Variants in RYR3 observed in about 807,000 individuals in gnomAD.
RYR3 encodes ryanodine receptor 3, also known as brain ryanodine receptor-calcium release channel.
Under a neutral mutation model 584.3 loss-of-function variants are expected in RYR3, and 207 were observed. The observed-to-expected ratio is 0.35, with a 90% CI of 0.32 to 0.40. RYR3 has a LOEUF of 0.40. RYR3 is among the 10% of genes least tolerant of loss of function. The probability of loss-of-function intolerance (pLI) is 1.00; values close to 1 mark genes in which losing one functional copy is unlikely to be tolerated. For synonymous variants in RYR3, 2,416 were observed against 2,248.5 expected (o/e 1.07, Z -2.11); for missense variants, 5,616 against 6,089.2 (o/e 0.92, Z 2.59).
intron 9 of RYR3, among the ~76,000 whole-genome samples, chr15:33,548,787 G>A (rs1174780657): frequency 6.6e-6 from 1 of 152,140 alleles, no homozygotes; most frequent in African/African-American, 2.4e-5. Flanking sequence ...CTACTGAAGG[G>A]GGATCACTTT....
intron 43 of RYR3, among the ~76,000 whole-genome samples, chr15:33,721,774 T>A (rs566398152): frequency 6.6e-6 from 1 of 152,324 alleles, no homozygotes; most frequent in South Asian, 2.1e-4. Context: ...AGAGTTTTTT[T>A]TTTATTAAGT....
intron 12 of RYR3, among the ~76,000 whole-genome samples, chr15:33,567,971 G>T (rs2057806672): frequency 6.6e-6 from 1 of 152,176 alleles, no homozygotes; most frequent in Non-Finnish European, 1.5e-5. Flanking sequence ...ATCAGAATCT[G>T]CAGATGTTGG....
intron 1 of RYR3, among the ~76,000 whole-genome samples, chr15:33,467,736 C>G (rs1423439155): frequency 6.6e-6 from 1 of 152,190 alleles, no homozygotes; most frequent in Non-Finnish European, 1.5e-5. Flanking sequence ...TGGAGGGAGG[C>G]TGACATATGA....
At chr15:33,330,488 GCTCT>G (rs1970251378) in intron 1 of RYR3, among the ~76,000 whole-genome samples, 1 of 152,034 alleles carries the variant, frequency 6.6e-6, no homozygotes, top group African/African-American at 2.4e-5. Context: ...AACCCAGGAG[GCTCT>G]CTCTCCTGTG....
At chr15:33,860,501 T>C in intron 100 of RYR3, 94 bp from the exon 101 acceptor site, 1 of 697,090 alleles carries the variant, frequency 1.4e-6, no homozygotes, top group Non-Finnish European at 2.3e-6. Context: ...ATTCACTTTT[T>C]TTTTTTAACA....
intron 3 of RYR3, among the ~76,000 whole-genome samples, chr15:33,516,543 C>G (rs1328335119): frequency 6.6e-6 from 1 of 151,982 alleles, no homozygotes; most frequent in African/African-American, 2.4e-5. Flanking sequence ...ACCATGTTGG[C>G]CAAGCTGGTC....
Position 33,635,624 on chromosome 15 carries a change from T to C in RYR3, c.3186T>C (p.Ala1062=). 1 of 1,613,676 alleles carries C rather than the reference T, an allele frequency of 6.2e-7. No individual in the cohort carries two copies. The highest frequency in any genetic ancestry group is 8.5e-7 in the Non-Finnish European group (1 of 1,179,724). ...EPSDQELADS[A]VEKVSIDKIR... ...TTCTTCTCACAATAGCTGACTCGGC[T>C]GTGGAGAAGGTCAGCATAGACAAGA... The change falls in exon 26 of 104, where the codon GCT becomes GCC. Residue 1062 remains alanine, a synonymous_variant. Coordinates refer to ENST00000634891, the MANE Select transcript of RYR3 (RefSeq NM_001036.6).
chr15:33,605,146 T>A (rs1457802886), intron 18 of RYR3, among the ~76,000 whole-genome samples: 8 of 152,124 alleles, frequency 5.3e-5, no homozygotes, highest in Admixed American at 4.6e-4. Flanking sequence ...AGGAAAAAAA[T>A]TTAGTCTTTT....
At chr15:33,669,574 C>T (rs2063693802) in intron 37 of RYR3, 118 bp downstream of exon 37, 2 of 815,074 alleles carry the variant, frequency 2.5e-6, no homozygotes, top group African/African-American at 1.7e-5. Context: ...AATTGCAATA[C>T]TGTCTTTCAA....
chr15:33,470,715 A>G (rs1441388544), intron 1 of RYR3, among the ~76,000 whole-genome samples: 1 of 152,200 alleles, frequency 6.6e-6, no homozygotes, highest in African/African-American at 2.4e-5. Context: ...ATTAGGTCCA[A>G]CTGAAGAGTT....
chr15:33,853,208 AG>A (rs1414181691), intron 95 of RYR3, 121 bp downstream of exon 95: 2 of 989,850 alleles, frequency 2.0e-6, no homozygotes, highest in Non-Finnish European at 2.9e-6. Context: ...TATCTCAAGA[AG>A]AGTAAGTCAC....
At chr15:33,319,352 G>A (rs1266519287) in intron 1 of RYR3, among the ~76,000 whole-genome samples, 2 of 152,166 alleles carry the variant, frequency 1.3e-5, no homozygotes, top group African/African-American at 4.8e-5. Context: ...GATCAAAATA[G>A]GACAGCTGGT....
At chr15:33,863,141 A>G (rs1889079168) in intron 102 of RYR3, among the ~76,000 whole-genome samples, 1 of 151,988 alleles carries the variant, frequency 6.6e-6, no homozygotes, top group Non-Finnish European at 1.5e-5. Flanking sequence ...TCCTATCTCT[A>G]TCCCCTCTAG....
chr15:33,503,780 C>A (rs1469747649), intron 3 of RYR3, 42 bp downstream of exon 3: 3 of 1,159,344 alleles, frequency 2.6e-6, no homozygotes, highest in Non-Finnish European at 3.8e-6. Flanking sequence ...TTGGGGTGCA[C>A]CACATCCCCA....
intron 1 of RYR3, among the ~76,000 whole-genome samples, chr15:33,314,962 A>C (rs1369388723): frequency 6.6e-6 from 1 of 152,114 alleles, no homozygotes; most frequent in South Asian, 2.1e-4. Flanking sequence ...CAACAACAAC[A>C]AAAAACGGAA....
At chr15:33,475,683 C>T (rs2049311412) in intron 2 of RYR3, among the ~76,000 whole-genome samples, 1 of 152,198 alleles carries the variant, frequency 6.6e-6, no homozygotes, top group African/African-American at 2.4e-5. Context: ...CCTGTCTCTA[C>T]CACTTGCTGG....
intron 8 of RYR3, among the ~76,000 whole-genome samples, chr15:33,547,368 A>G (rs2056325409): frequency 6.6e-6 from 1 of 152,178 alleles, no homozygotes; most frequent in African/African-American, 2.4e-5. Flanking sequence ...TGCAGGAAAA[A>G]TTAAGGTGAA....
rs777658408 is a variant in RYR3 at position 33,857,869 on chromosome 15, C to T, written c.14097C>T (p.Ser4699=). ...FNFFRKFYNK[S]EDDDEPDMKC... ...TCTTCCGCAAGTTCTACAACAAAAGCGAAGACGATGACGAGCCCGATATGA... is the reference window on the plus strand; with the variant it reads ...TCTTCCGCAAGTTCTACAACAAAAGTGAAGACGATGACGAGCCCGATATGA... Residue 4699 remains serine, a synonymous_variant, in exon 99 of 104, where the codon AGC becomes AGT. Coordinates refer to ENST00000634891, the MANE Select transcript of RYR3 (RefSeq NM_001036.6). 58 of 1,614,208 alleles carry T rather than the reference C, an allele frequency of 3.6e-5. No individual in the cohort carries two copies. Among genetic ancestry groups the T allele is most frequent in the Non-Finnish European group, 4.5e-5 (53 of 1,180,036 alleles).
chr15:33,699,332 T>TTCTCTCCTCTCTG (rs1435118629), intron 40 of RYR3, among the ~76,000 whole-genome samples: 1 of 138,616 alleles, frequency 7.2e-6, no homozygotes, highest in African/African-American at 2.7e-5. Flanking sequence ...TCTCCTCACT[T>TTCTCTCCTCTCTG]TCTCTCCTCT....
Sources: gnomAD v4.1 joint callset for allele counts (sites outside exome capture counted in the v4.1 genomes callset) on GRCh38, gnomAD v4.1.1 for gene constraint, MANE v1.5 for transcripts, NCBI Gene and HGNC (gene_info 2026-07-23, HGNC 2026-07-21) for gene names.